Variants in EFCAB9 observed in about 807,000 individuals in gnomAD.
EFCAB9 encodes EF-hand calcium binding domain 9, also known as EF-hand calcium-binding domain-containing protein 9.
A neutral mutation model predicts 15.6 loss-of-function variants in EFCAB9; 16 were observed. That is an observed-to-expected ratio of 1.03 (90% CI 0.69 to 1.56). The LOEUF is 1.56. Among genes scored for constraint, EFCAB9 ranks in the 40% most tolerant of loss-of-function variants. The pLI, the probability that EFCAB9 is intolerant of heterozygous loss-of-function variation, is 0.00. For synonymous variants in EFCAB9, 76 were observed against 85.4 expected (o/e 0.89, Z 0.61); for missense variants, 208 against 235.4 (o/e 0.88, Z 0.76).
intron 2 of EFCAB9, among the ~76,000 whole-genome samples, chr5:172,199,932 C>CTTTTTTTTTTTTT (rs34086491): frequency 2.0e-5 from 2 of 102,334 alleles, no homozygotes; most frequent in African/African-American, 3.8e-5. Context: ...ACCCAGTTTC[C>CTTTTTTTTTTTTT]TTTTTTTTTT....
In EFCAB9 at chr5:172,203,200, CACCCT is replaced by C. The variant is rs372914830; in HGVS notation, c.463-12_463-8del. 658,936 of 1,164,032 alleles carry C rather than the reference CACCCT, an allele frequency of 0.57. 157,452 individuals are homozygous for C. Among genetic ancestry groups the C allele is most frequent in the African/African-American group, 0.68 (40,737 of 60,064 alleles). 72.1% of individuals were successfully genotyped at this position (1,164,032 alleles called of 1,614,324 possible). A position where few individuals can be genotyped will look rare whatever the true frequency, so the allele number is the denominator to read the frequency against. On this transcript the variant is annotated splice_polypyrimidine_tract_variant and intron_variant, in intron 3 of 3. Coordinates refer to ENST00000398186, the MANE Select transcript of EFCAB9 (RefSeq NM_001171183.2). ...CCTGAAATAATTTTTCTTTCCCCCC[CACCCT>C]AACCAAAGCGTCTTAATTATCAGGA...
intron 1 of EFCAB9, among the ~76,000 whole-genome samples, chr5:172,199,062 A>G (rs1222723545): frequency 1.3e-5 from 2 of 152,222 alleles, no homozygotes; most frequent in Non-Finnish European, 1.5e-5. Context: ...CCCATTTTAT[A>G]TGTTAGCGCC....
chr5:172,198,984 T>C (rs1419364304), intron 1 of EFCAB9, among the ~76,000 whole-genome samples: 1 of 152,206 alleles, frequency 6.6e-6, no homozygotes, highest in African/African-American at 2.4e-5. Context: ...TGTCAGCATC[T>C]CCAAGAAAGT....
intron 1 of EFCAB9, among the ~76,000 whole-genome samples, chr5:172,196,216 G>T (rs945497214): frequency 1.3e-5 from 2 of 152,122 alleles, no homozygotes; most frequent in Non-Finnish European, 2.9e-5. Flanking sequence ...CATATATATG[G>T]TGTGTTGTTT....
At chr5:172,199,253 C>G (rs1029801259) in intron 1 of EFCAB9, 130 bp from the exon 2 acceptor site, 1 of 1,216,840 alleles carries the variant, frequency 8.2e-7, no homozygotes, top group Admixed American at 2.7e-5. Flanking sequence ...AAGCCAGAAA[C>G]AAAATATTAT....
At chr5:172,198,943 T>G (rs1771207174) in intron 1 of EFCAB9, among the ~76,000 whole-genome samples, 1 of 152,222 alleles carries the variant, frequency 6.6e-6, no homozygotes, top group Non-Finnish European at 1.5e-5. Flanking sequence ...TTCCTCATTT[T>G]AATTATCTCA....
chr5:172,195,153 AAAATAAAT>A (rs3028127), intron 1 of EFCAB9, among the ~76,000 whole-genome samples: 31 of 145,090 alleles, frequency 2.1e-4, no homozygotes, highest in African/African-American at 5.3e-4. Flanking sequence ...TGAATGACCA[AAAATAAAT>A]AAATAAATAA....
intron 1 of EFCAB9, among the ~76,000 whole-genome samples, chr5:172,197,459 A>G (rs774826035): frequency 3.3e-5 from 5 of 152,188 alleles, no homozygotes; most frequent in African/African-American, 7.2e-5. Context: ...CCACAGCCAC[A>G]TCACCTAGGA....
At chr5:172,203,187 T>TTTA in intron 3 of EFCAB9, 27 bp from the exon 4 acceptor site, 4 of 1,430,782 alleles carry the variant, frequency 2.8e-6, no homozygotes, top group African/African-American at 1.8e-5. Context: ...TGAAATAATT[T>TTTA]TTCTTTCCCC....
rs1044792234 is a variant in EFCAB9, at chr5:172,203,257, C to A, written c.506C>A (p.Thr169Asn). The stretch of plus-strand genomic sequence containing the variant: ...TTTAAGCTGTATACAATCATCTACA[C>A]TGACAAATTACAGAAGAGGCAGAAA... ...QEFKLYTIIY[T>N]DKLQKRQKTE... Residue 169 changes from threonine to asparagine, a missense_variant, in exon 4 of 4, where the codon ACT becomes AAT. Physicochemically the swap from Thr to Asn is moderately conservative, Grantham distance 65 (BLOSUM62 0). Transcript: ENST00000398186. 3.3e-6 allele frequency: 5 copies of A among 1,536,292 alleles called. No homozygotes were observed. Among genetic ancestry groups the A allele is most frequent in the Middle Eastern group, 1.7e-4 (1 of 6,012 alleles).
In EFCAB9 at chr5:172,194,229, C is replaced by G; in HGVS notation, c.57C>G (p.Cys19Trp). Residue 19 changes from cysteine to tryptophan, a missense_variant, in exon 1 of 4, where the codon TGC (cysteine) becomes TGG (tryptophan). Cys to Trp is a radical substitution (Grantham distance 215). Transcript: ENST00000398186. ...LWYLYLDKIYCLLSVRNVKAL... is the reference protein window; with the variant it reads ...LWYLYLDKIYWLLSVRNVKAL... ...ACCTCTATCTGGACAAAATATACTG[C>G]TTATTATCCGTGAGAAACGTGAAGG... 1 of 1,537,742 alleles carries G rather than the reference C, an allele frequency of 6.5e-7. No individual in the cohort carries two copies. The highest frequency in any genetic ancestry group is 1.4e-5 in the African/African-American group (1 of 73,156).
chr5:172,200,851 A>C, intron 3 of EFCAB9, 109 bp downstream of exon 3: 2 of 1,118,816 alleles, frequency 1.8e-6, no homozygotes, highest in Non-Finnish European at 1.2e-6. Context: ...GGAGGGAAAA[A>C]CCTACTCAAA....
chr5:172,201,261 C>T (rs1771252569), intron 3 of EFCAB9, among the ~76,000 whole-genome samples: 1 of 152,000 alleles, frequency 6.6e-6, no homozygotes, highest in African/African-American at 2.4e-5. Flanking sequence ...TGTAATCCCA[C>T]ATACTTGGGA....
Position 172,202,202 on chromosome 5 carries a change from A to G in EFCAB9, c.463-1012A>G, listed in dbSNP as rs10051988. Among the ~76,000 whole-genome samples, 1,095 of 151,824 alleles carry G rather than the reference A, an allele frequency of 7.2e-3. 17 individuals are homozygous for G. The highest frequency in any genetic ancestry group is 0.025 in the African/African-American group (1,020 of 41,374). ...AAAAATACAAAAAAACTAGCTGGGCATGGTGGCAGGTGCCTGTGGTCCCAG... is the reference window on the plus strand; with the variant it reads ...AAAAATACAAAAAAACTAGCTGGGCGTGGTGGCAGGTGCCTGTGGTCCCAG... On this transcript the variant is annotated intron_variant, in intron 3 of 3. Coordinates refer to ENST00000398186, the MANE Select transcript of EFCAB9 (RefSeq NM_001171183.2).
rs1301460729 is a variant in EFCAB9, at chr5:172,195,863, GC to G, written c.136+1558del. On this transcript the variant is annotated intron_variant, in intron 1 of 3. Transcript: ENST00000398186. ...CGCTCTGTCGCCCAGAAGTGCAGTG[GC>G]CCAATCTTGGCTCATTGCAACCTCC... Among the ~76,000 whole-genome samples, 8 of 152,172 alleles carry G rather than the reference GC, an allele frequency of 5.3e-5. No individual in the cohort carries two copies. The East Asian group carries it at 1.5e-3, about 29-fold the overall frequency.
At chr5:172,203,134 T>C (rs1238741316) in intron 3 of EFCAB9, 80 bp from the exon 4 acceptor site, 22 of 1,300,848 alleles carry the variant, frequency 1.7e-5, no homozygotes, top group Non-Finnish European at 2.0e-5. Flanking sequence ...AAAATAGAAA[T>C]GAATATAATC....
chr5:172,195,191 T>TAA (rs778767435), intron 1 of EFCAB9, among the ~76,000 whole-genome samples: 8,719 of 148,362 alleles, frequency 0.059, 275 homozygotes, highest in Middle Eastern at 0.11. Flanking sequence ...TAAAAATAAA[T>TAA]AAATAAATAA....
chr5:172,195,129 C>G (rs1244946363), intron 1 of EFCAB9, among the ~76,000 whole-genome samples: 2 of 150,782 alleles, frequency 1.3e-5, no homozygotes, highest in African/African-American at 4.9e-5. Flanking sequence ...ATCCCTTCTA[C>G]TTATTGGTAC....
chr5:172,199,985 G>A (rs1392469194), intron 2 of EFCAB9, among the ~76,000 whole-genome samples: 1 of 137,424 alleles, frequency 7.3e-6, no homozygotes, highest in African/African-American at 2.7e-5. Flanking sequence ...GGCCCAGGCT[G>A]GAGTGCAATG....
Sources: gnomAD v4.1 joint callset for allele counts (sites outside exome capture counted in the v4.1 genomes callset) on GRCh38, gnomAD v4.1.1 for gene constraint, MANE v1.5 for transcripts, NCBI Gene and HGNC (gene_info 2026-07-23, HGNC 2026-07-21) for gene names.